Variants in ZFC3H1 observed in about 807,000 individuals in gnomAD.
The protein encoded by ZFC3H1 is zinc finger C3H1 domain-containing protein.
A neutral mutation model predicts 243.7 loss-of-function variants in ZFC3H1; 71 were observed. The observed-to-expected ratio is 0.29, with a 90% CI of 0.24 to 0.36. The LOEUF (loss-of-function observed/expected upper bound fraction) is 0.36, where lower values mean the gene tolerates loss of function less well. Among genes scored for constraint, ZFC3H1 ranks in the 10% least tolerant of loss-of-function variants. The pLI is 1.00. For synonymous variants in ZFC3H1, 838 were observed against 813.0 expected (o/e 1.03, Z -0.52); for missense variants, 1,966 against 2,317.1 (o/e 0.85, Z 3.11).
At position 71,630,706 on chromosome 12, in the gene ZFC3H1, G is replaced by A. The variant is rs1432562562; in HGVS notation, c.3618C>T (p.Asp1206=). 6.2e-7 allele frequency: 1 copy of A among 1,612,300 alleles called. No individual in the cohort carries two copies. The highest frequency in any genetic ancestry group is 1.7e-5 in the Admixed American group (1 of 59,770). The part of the protein sequence containing the change: ...DDDCQWQHIQ[D]YTLSRKQLFQ... ...ATAACTGTTTTCGGCTAAGTGTATA[G>A]TCTTGTATATGCTGCCTAAGATAAA... Residue 1206 remains aspartate (D), a synonymous_variant, in exon 18 of 35, where the codon GAC becomes GAT. Transcript: ENST00000378743.
Position 71,644,323 on chromosome 12 carries a change from A to C in ZFC3H1, c.1280-5T>G. 6.2e-7 allele frequency: 1 copy of C among 1,610,284 alleles called. No homozygotes were observed. The highest frequency in any genetic ancestry group is 1.7e-4 in the Middle Eastern group (1 of 6,052). On this transcript the variant is annotated splice_region_variant and splice_polypyrimidine_tract_variant and intron_variant, in intron 4 of 34. Transcript: ENST00000378743. The stretch of plus-strand genomic sequence containing the variant: ...GCTTCCTCAATGCTTGTTTAGCTTT[A>C]AATAAAAAACACATAAACATTAGCA...
intron 22 of ZFC3H1, 43 bp downstream of exon 22, chr12:71,626,217 C>T: frequency 6.3e-7 from 1 of 1,579,296 alleles, no homozygotes; most frequent in Admixed American, 1.7e-5. Flanking sequence ...TATACACACA[C>T]ACACACACAC....
Position 71,626,283 on chromosome 12 carries a change from G to A in ZFC3H1, c.4294C>T (p.Pro1432Ser). Reference protein sequence around the residue: ...EMCETAVEYAPDYQSFWTFLH... With the variant: ...EMCETAVEYASDYQSFWTFLH... Reference sequence around the variant, plus strand: ...ACAGTCCAAAAGCTTTGATAATCTGGAGCATATTCAACAGCTGTTTCACAC... The same window carrying A: ...ACAGTCCAAAAGCTTTGATAATCTGAAGCATATTCAACAGCTGTTTCACAC... Residue 1432 changes from proline (P) to serine (S), a missense_variant, in exon 22 of 35, where the codon CCA (proline) becomes TCA (serine). Physicochemically the swap from Pro to Ser is moderately conservative, Grantham distance 74. Around this residue, in one of 4 missense-constraint regions of ZFC3H1, gnomAD observed 1,383 missense variants for 1,723.7 expected, o/e 0.80. Coordinates refer to ENST00000378743, the MANE Select transcript of ZFC3H1 (RefSeq NM_144982.5). 6.2e-7 allele frequency: 1 copy of A among 1,613,338 alleles called. No homozygotes were observed. The highest frequency in any genetic ancestry group is 8.5e-7 in the Non-Finnish European group (1 of 1,179,774).
Position 71,627,763 on chromosome 12 carries a change from T to A in ZFC3H1, c.4118A>T (p.Asn1373Ile). ...LWLKLAYKYL[N>I]QNEGECSESL... is the part of the protein sequence containing the mutation. ...GAAGTTGACCTACCCCTCATTTTGA[T>A]TCAAGTACTTGTACGCAAGCTTGAG... Residue 1373 changes from asparagine (N) to isoleucine (I), a missense_variant, in exon 21 of 35, where the codon AAT (asparagine) becomes ATT (isoleucine). Asn to Ile is a moderately radical substitution (Grantham distance 149). This residue lies in a region of ZFC3H1 where 1,383 missense variants were observed against 1,723.7 expected (regional missense o/e 0.80). Coordinates refer to ENST00000378743, the MANE Select transcript of ZFC3H1 (RefSeq NM_144982.5). 1 of 1,610,178 alleles carries A rather than the reference T, an allele frequency of 6.2e-7. No individual in the cohort carries two copies. Among genetic ancestry groups the A allele is most frequent in the Non-Finnish European group, 8.5e-7 (1 of 1,178,566 alleles).
intron 22 of ZFC3H1, among the ~76,000 whole-genome samples, chr12:71,625,840 TAAAAAGACAA>T (rs1880150759): frequency 6.6e-6 from 1 of 152,132 alleles, no homozygotes. Flanking sequence ...AAACAAATAA[TAAAAAGACAA>T]AAATGTTTCC....
chr12:71,611,211 AC>A, intron 32 of ZFC3H1, 114 bp from the exon 33 acceptor site: 1 of 1,101,646 alleles, frequency 9.1e-7, no homozygotes, highest in African/African-American at 1.7e-5. Flanking sequence ...GAATCTGAGT[AC>A]AAAACTTCCT....
At position 71,656,924 on chromosome 12, in the gene ZFC3H1, G is replaced by A. The variant is rs770246497; in HGVS notation, c.976C>T (p.Pro326Ser). 3 of 1,613,280 alleles carry A rather than the reference G, an allele frequency of 1.9e-6. No individual in the cohort carries two copies. Among genetic ancestry groups the A allele is most frequent in the South Asian group, 2.2e-5 (2 of 90,934 alleles). Residue 326 changes from proline (P) to serine (S), a missense_variant, in exon 2 of 35, where the codon CCA becomes TCA. By Grantham distance (74) the Pro-to-Ser change is moderately conservative. Coordinates refer to ENST00000378743, the MANE Select transcript of ZFC3H1 (RefSeq NM_144982.5). ...GTAGTGTCGGATTTCAGGGAAAGTG[G>A]TTTTGCTCCATCTTTAACTTTTTTC... ...RLKKVKDGAK[P>S]LSLKSDTTDS...
In ZFC3H1 at chr12:71,632,815, C is replaced by T. The variant is rs535281277; in HGVS notation, c.2817+71G>A. The T allele has an allele frequency of 2.4e-5, 37 of 1,572,726 alleles. No homozygotes were observed. The South Asian group carries it at 3.0e-4, about 13-fold the overall frequency. ...ACAGCAAAGAGTTACTTTATATATA[C>T]ATCTTACCCTTAAAACTATCATAAA... On this transcript the variant is annotated intron_variant, in intron 14 of 34. Transcript: ENST00000378743.
At chr12:71,619,519 G>A (rs1879973603) in intron 26 of ZFC3H1, 110 bp from the exon 27 acceptor site, 1 of 995,772 alleles carries the variant, frequency 1.0e-6, no homozygotes, top group Non-Finnish European at 1.5e-6. Flanking sequence ...TAAGTTTCTT[G>A]AGTGGGTAAG....
At position 71,610,455 on chromosome 12, in the gene ZFC3H1, A is replaced by G; in HGVS notation, c.5943T>C (p.Ser1981=). ...AGTGATTCTTGCTTTCTGTTTTGTT[A>G]CTGTTTAAATTTAAGAGCTCATTTA... ...VSLNELLNLN[S]NKTESKNH The change falls in exon 35 of 35, where the codon AGT becomes AGC. Residue 1981 remains serine (S), a synonymous_variant. Transcript: ENST00000378743. The G allele has an allele frequency of 6.2e-7, 1 of 1,613,336 alleles. No individual in the cohort carries two copies. The highest frequency in any genetic ancestry group is 1.1e-5 in the South Asian group (1 of 91,054).
At chr12:71,641,224 A>C (rs1880595152) in intron 6 of ZFC3H1, among the ~76,000 whole-genome samples, 1 of 152,240 alleles carries the variant, frequency 6.6e-6, no homozygotes, top group Admixed American at 6.5e-5. Context: ...ATCTGAAAAT[A>C]AGAAAATTAA....
chr12:71,652,961 C>A (rs1149019), intron 2 of ZFC3H1, among the ~76,000 whole-genome samples: 94,695 of 150,576 alleles, frequency 0.63, 31,433 homozygotes, highest in Middle Eastern at 0.78. Flanking sequence ...CAAAAAAAAA[C>A]AACGACCATC....
At chr12:71,645,969 T>C (rs2137550113) in intron 3 of ZFC3H1, among the ~76,000 whole-genome samples, 1 of 152,266 alleles carries the variant, frequency 6.6e-6, no homozygotes, top group Middle Eastern at 3.4e-3. Flanking sequence ...TTTCTTTATG[T>C]ATGTGCATGG....
intron 3 of ZFC3H1, among the ~76,000 whole-genome samples, 165 bp from the exon 4 acceptor site, chr12:71,645,240 C>T (rs1397951937): frequency 1.3e-5 from 2 of 152,140 alleles, no homozygotes; most frequent in Admixed American, 1.3e-4. Context: ...CAGCCTGAGA[C>T]TCTAATGTAA....
At chr12:71,612,481 ATAAT>A (rs1463272928) in intron 31 of ZFC3H1, among the ~76,000 whole-genome samples, 1 of 152,200 alleles carries the variant, frequency 6.6e-6, no homozygotes, top group Non-Finnish European at 1.5e-5. Context: ...AAGGTGTTTC[ATAAT>A]TAACATTTCT....
intron 20 of ZFC3H1, 129 bp downstream of exon 20, chr12:71,628,789 G>T: frequency 1.1e-6 from 1 of 870,938 alleles, no homozygotes; most frequent in Non-Finnish European, 1.6e-6. Context: ...AAAACCCAAT[G>T]GCATCGTTTT....
In ZFC3H1 at chr12:71,636,896, T is replaced by C. The variant is rs1452247319; in HGVS notation, c.1889A>G (p.Glu630Gly). The change falls in exon 8 of 35, where the codon GAA becomes GGA. Residue 630 changes from glutamate (E) to glycine (G), a missense_variant. This residue lies in a region of ZFC3H1 where 1,383 missense variants were observed against 1,723.7 expected (regional missense o/e 0.80). Transcript: ENST00000378743. ...ATTTGCTAGAGATTTAAGTAGTTCT[T>C]CTCGAAGCAGCATTTCTTCCTCCTC... ...EEEEEEMLLREELLKSLANKR... is the reference protein window; with the variant it reads ...EEEEEEMLLRGELLKSLANKR... 6.2e-7 allele frequency: 1 copy of C among 1,614,044 alleles called. No individual in the cohort carries two copies. The highest frequency in any genetic ancestry group is 8.5e-7 in the Non-Finnish European group (1 of 1,179,968).
chr12:71,640,263 C>T (rs1035358819), intron 6 of ZFC3H1, among the ~76,000 whole-genome samples: 4 of 152,198 alleles, frequency 2.6e-5, no homozygotes, highest in African/African-American at 4.8e-5. Context: ...CTCAGGTGAT[C>T]CTCCCGCCTC....
At chr12:71,623,118 T>C (rs1319623432) in intron 24 of ZFC3H1, among the ~76,000 whole-genome samples, 1 of 152,204 alleles carries the variant, frequency 6.6e-6, no homozygotes, top group African/African-American at 2.4e-5. Context: ...ACAGATATCC[T>C]TTGCCACAAT....
Sources: allele counts gnomAD v4.1 joint callset (sites outside exome capture counted in the v4.1 genomes callset), GRCh38; gene constraint gnomAD v4.1.1; regional missense constraint gnomAD v4.1.1; transcripts MANE v1.5; gene names NCBI Gene and HGNC (gene_info 2026-07-23, HGNC 2026-07-21).